ERC1: variants seen among roughly 807,000 people sequenced by gnomAD.
ERC1 encodes RAB6 interacting protein 2.
Under a neutral mutation model 132.0 loss-of-function variants are expected in ERC1, and 56 were observed. The ratio of observed to expected loss-of-function variants is 0.42; its 90% CI spans 0.34 to 0.53. The LOEUF (loss-of-function observed/expected upper bound fraction) is 0.53, where lower values mean the gene tolerates loss of function less well. Ranked by LOEUF, ERC1 falls within the 20% of genes least tolerant of loss-of-function variation. The pLI, the probability that ERC1 is intolerant of heterozygous loss-of-function variation, is 0.03. For missense variants in ERC1, 1,202 were observed against 1,349.9 expected (o/e 0.89, Z 1.72); for synonymous variants, 478 against 476.1 (o/e 1.00, Z -0.05).
chr12:1,176,497 C>G (rs1403394255), intron 8 of ERC1, among the ~76,000 whole-genome samples: 1 of 152,106 alleles, frequency 6.6e-6, no homozygotes, highest in African/African-American at 2.4e-5. Flanking sequence ...CTGGCCTCAA[C>G]TTTCAGTCAC....
At chr12:1,442,015 C>T (rs2093168901) in intron 17 of ERC1, among the ~76,000 whole-genome samples, 1 of 152,142 alleles carries the variant, frequency 6.6e-6, no homozygotes, top group African/African-American at 2.4e-5. Context: ...GCAGCCTCCG[C>T]TTCCCGGGTT....
At chr12:1,255,944 C>T (rs921945680) in intron 13 of ERC1, among the ~76,000 whole-genome samples, 3 of 151,968 alleles carry the variant, frequency 2.0e-5, no homozygotes, top group African/African-American at 7.3e-5. Context: ...GCCATTCTAA[C>T]AGGTGTGAGA....
At chr12:1,295,878 A>G (rs567410979) in intron 15 of ERC1, among the ~76,000 whole-genome samples, 1 of 152,306 alleles carries the variant, frequency 6.6e-6, no homozygotes, top group East Asian at 1.9e-4. Flanking sequence ...AATTAACAGA[A>G]CCATATTTGC....
intron 16 of ERC1, among the ~76,000 whole-genome samples, chr12:1,399,524 T>C (rs560200177): frequency 6.6e-6 from 1 of 152,384 alleles, no homozygotes; most frequent in South Asian, 2.1e-4. Context: ...TTGATTTTGC[T>C]GCTCAAATTG....
intron 8 of ERC1, among the ~76,000 whole-genome samples, chr12:1,174,042 A>T (rs1953397560): frequency 6.6e-6 from 1 of 151,914 alleles, no homozygotes; most frequent in Non-Finnish European, 1.5e-5. Context: ...ATGATGCTGG[A>T]TTCAGTGGGG....
intron 2 of ERC1, among the ~76,000 whole-genome samples, chr12:1,051,308 T>G (rs955801119): frequency 1.3e-5 from 2 of 152,070 alleles, no homozygotes; most frequent in African/African-American, 4.8e-5. Flanking sequence ...GGGTTGAGGA[T>G]TTAGAGGTTA....
chr12:1,020,989 G>A (rs1251200573), intron 1 of ERC1, among the ~76,000 whole-genome samples: 3 of 152,286 alleles, frequency 2.0e-5, no homozygotes, highest in African/African-American at 7.2e-5. Context: ...ACCCAGGCAG[G>A]AGTGCAGTGG....
chr12:1,097,480 C>T (rs903815230), intron 3 of ERC1, among the ~76,000 whole-genome samples: 16 of 152,268 alleles, frequency 1.1e-4, no homozygotes, highest in African/African-American at 3.4e-4. Flanking sequence ...CTGCTGTTCT[C>T]CCCACTATTT....
At chr12:1,105,787 A>C (rs576562129) in intron 4 of ERC1, among the ~76,000 whole-genome samples, 1 of 152,344 alleles carries the variant, frequency 6.6e-6, no homozygotes. Flanking sequence ...ATATTAATAT[A>C]ATGACTACAA....
At chr12:1,405,394 A>G (rs1452094141) in intron 16 of ERC1, among the ~76,000 whole-genome samples, 7 of 151,778 alleles carry the variant, frequency 4.6e-5, no homozygotes. Flanking sequence ...CTTCAACAGT[A>G]TGGGACTCAC....
In ERC1 at chr12:996,411, G is replaced by C. The variant is rs540273031; in HGVS notation, c.-157+5089G>C. Among the ~76,000 whole-genome samples the C allele has an allele frequency of 4.6e-5, 7 of 151,712 alleles. No individual in the cohort carries two copies. In the South Asian group the frequency reaches 1.5e-3, roughly 32 times the overall value. ...GCGACCACACCTGGCCTCATTCTCC[G>C]GGTAGATTTTTAAGAAATATTTCAG... is the stretch of plus-strand genomic sequence containing the variant. On this transcript the variant is annotated intron_variant, in intron 1 of 18. Coordinates refer to ENST00000360905, the MANE Select transcript of ERC1 (RefSeq NM_178040.4).
chr12:1,169,208 G>A (rs777035651), intron 8 of ERC1, among the ~76,000 whole-genome samples: 1 of 151,948 alleles, frequency 6.6e-6, no homozygotes, highest in Non-Finnish European at 1.5e-5. Context: ...TGCGATGATC[G>A]ATGCAACCTA....
intron 15 of ERC1, among the ~76,000 whole-genome samples, chr12:1,366,565 G>T (rs946063211): frequency 1.3e-5 from 2 of 152,184 alleles, no homozygotes; most frequent in African/African-American, 4.8e-5. Context: ...CAGTAAGGAA[G>T]AAATGGGTTA....
intron 16 of ERC1, among the ~76,000 whole-genome samples, chr12:1,389,081 C>T (rs958791075): frequency 1.9e-4 from 29 of 152,188 alleles, no homozygotes; most frequent in African/African-American, 4.8e-4. Flanking sequence ...TTGGGTCCCA[C>T]GGTCACTACC....
rs141189149 is a variant in ERC1 at position 1,300,530 on chromosome 12, A to G, written c.2780+10518A>G. Among the ~76,000 whole-genome samples the G allele has an allele frequency of 7.0e-4, 107 of 152,324 alleles. 1 individual carries two copies. Among genetic ancestry groups the G allele is most frequent in the African/African-American group, 2.4e-3 (101 of 41,564 alleles). On this transcript the variant is annotated intron_variant, in intron 15 of 18. Transcript: ENST00000360905. Reference sequence around the variant, plus strand: ...AAGAGAGTAAACAGACACCCTACAGAATGGGAGATAATTTTTCCAAATTGT... The same window carrying G: ...AAGAGAGTAAACAGACACCCTACAGGATGGGAGATAATTTTTCCAAATTGT...
intron 16 of ERC1, among the ~76,000 whole-genome samples, chr12:1,381,502 A>T (rs946864609): frequency 6.6e-6 from 1 of 151,914 alleles, no homozygotes; most frequent in Non-Finnish European, 1.5e-5. Flanking sequence ...GCCGTCCTCA[A>T]TGGCCTCTAT....
intron 15 of ERC1, among the ~76,000 whole-genome samples, chr12:1,322,484 A>T (rs117272271): frequency 0.05 from 7,620 of 152,262 alleles, 268 homozygotes; most frequent in Non-Finnish European, 0.074. Flanking sequence ...TTTCTATGAG[A>T]AAAAATGAGC....
chr12:1,321,943 C>T (rs1397325804), intron 15 of ERC1, among the ~76,000 whole-genome samples: 7 of 150,722 alleles, frequency 4.6e-5, no homozygotes, highest in Admixed American at 1.3e-4. Flanking sequence ...GTTTTTACTA[C>T]TTCATTTTAA....
chr12:1,362,288 A>T (rs905975082), intron 15 of ERC1, among the ~76,000 whole-genome samples: 7 of 152,336 alleles, frequency 4.6e-5, no homozygotes, highest in African/African-American at 1.7e-4. Flanking sequence ...GGACTCCAGC[A>T]AAGTTGCCAG....
Sources: allele counts gnomAD v4.1 joint callset (sites outside exome capture counted in the v4.1 genomes callset), GRCh38; gene constraint gnomAD v4.1.1; transcripts MANE v1.5; gene names NCBI Gene and HGNC (gene_info 2026-07-23, HGNC 2026-07-21).